DYTN: variants seen among roughly 807,000 people sequenced by gnomAD.
The protein encoded by DYTN is dystrotelin.
In DYTN, 75 loss-of-function variants were observed where a neutral mutation model predicts 69.6. That is an observed-to-expected ratio of 1.08 (90% CI 0.89 to 1.31). The LOEUF (loss-of-function observed/expected upper bound fraction) is 1.31. DYTN is among the 50% of genes most tolerant of loss of function. DYTN has a pLI of 0.00. For missense variants in DYTN, 726 were observed against 688.4 expected, an observed-to-expected ratio of 1.05 and a Z score of -0.61; for synonymous variants, 252 against 249.1, an observed-to-expected ratio of 1.01 and a Z score of -0.11.
rs1458070259 is a variant in DYTN at position 206,651,632 on chromosome 2, C to T, written c.*186G>A. ...ATCCTCTACTCGCCCTGCTAACCCCCAACCTTCACTCTGAACTGCAGAACT... is the reference window on the plus strand; with the variant it reads ...ATCCTCTACTCGCCCTGCTAACCCCTAACCTTCACTCTGAACTGCAGAACT... On this transcript the variant is annotated 3_prime_UTR_variant, in exon 12 of 12. Transcript: ENST00000452335. 9.1e-6 allele frequency: 5 copies of T among 552,402 alleles called. No individual in the cohort carries two copies. The highest frequency in any genetic ancestry group is 2.2e-5 in the South Asian group (1 of 45,446). The allele number at this position is 552,402 out of a possible 1,614,324, so 34.2% of individuals were successfully genotyped here.
intron 5 of DYTN, among the ~76,000 whole-genome samples, chr2:206,701,799 A>G (rs1406356543): frequency 6.6e-6 from 1 of 152,186 alleles, no homozygotes; most frequent in Non-Finnish European, 1.5e-5. Flanking sequence ...CCCCAACACC[A>G]TGAGATGGCA....
intron 9 of DYTN, among the ~76,000 whole-genome samples, chr2:206,690,287 A>G (rs994830647): frequency 7.2e-5 from 11 of 152,172 alleles, no homozygotes; most frequent in Non-Finnish European, 1.0e-4. Flanking sequence ...ATGGAGCAGC[A>G]AGGAGAGCTG....
chr2:206,709,582 C>T (rs1273235451), intron 2 of DYTN, among the ~76,000 whole-genome samples: 1 of 152,084 alleles, frequency 6.6e-6, no homozygotes, highest in Non-Finnish European at 1.5e-5. Flanking sequence ...CCTCTTCCCA[C>T]CTGGCTAACT....
chr2:206,714,015 A>T (rs1700104022), intron 1 of DYTN, among the ~76,000 whole-genome samples: 1 of 152,166 alleles, frequency 6.6e-6, no homozygotes, highest in East Asian at 1.9e-4. Context: ...TGCTTGGTGT[A>T]CTTCTTTGAT....
intron 9 of DYTN, 145 bp from the exon 10 acceptor site, chr2:206,666,174 A>T: frequency 8.9e-7 from 1 of 1,119,972 alleles, no homozygotes; most frequent in Admixed American, 2.9e-5. Context: ...GTTGAGATGG[A>T]GCCTCGCTCT....
Position 206,691,187 on chromosome 2 carries a change from C to T in DYTN, c.980+1988G>A, listed in dbSNP as rs1369075015. On this transcript the variant is annotated intron_variant, in intron 9 of 11. Coordinates refer to ENST00000452335, the MANE Select transcript of DYTN (RefSeq NM_001093730.1). ...CAGCACTTTGGGAGGCCAAGATGGGCGGATCACTTGAGGTCAGGAGATCAA... is the reference window on the plus strand; with the variant it reads ...CAGCACTTTGGGAGGCCAAGATGGGTGGATCACTTGAGGTCAGGAGATCAA... 1.3e-4 allele frequency among the ~76,000 whole-genome samples: 20 copies of T among 151,976 alleles called. 1 individual carries two copies. Among genetic ancestry groups the T allele is most frequent in the Admixed American group, 1.2e-3 (18 of 15,252 alleles).
At chr2:206,668,076 A>T (rs1699592922) in intron 9 of DYTN, among the ~76,000 whole-genome samples, 1 of 152,206 alleles carries the variant, frequency 6.6e-6, no homozygotes, top group African/African-American at 2.4e-5. Context: ...GTATATCTTT[A>T]TGATGGGTTT....
At chr2:206,704,744 A>G in intron 5 of DYTN, 99 bp downstream of exon 5, 8 of 1,026,068 alleles carry the variant, frequency 7.8e-6, no homozygotes, top group Non-Finnish European at 1.0e-5. Flanking sequence ...GGAGTTATAT[A>G]TAAAGATAGA....
At chr2:206,685,720 C>T (rs1399512946) in intron 9 of DYTN, among the ~76,000 whole-genome samples, 1 of 152,066 alleles carries the variant, frequency 6.6e-6, no homozygotes, top group Non-Finnish European at 1.5e-5. Context: ...CCACCCTGGG[C>T]ACGGGGCTCC....
At chr2:206,662,617 C>A (rs1159223440) in intron 11 of DYTN, among the ~76,000 whole-genome samples, 1 of 151,626 alleles carries the variant, frequency 6.6e-6, no homozygotes, top group Non-Finnish European at 1.5e-5. Context: ...ATAATAATAA[C>A]AATATTTTGC....
At position 206,669,694 on chromosome 2, in the gene DYTN, G is replaced by A. The variant is rs186273140; in HGVS notation, c.981-3665C>T. The stretch of plus-strand genomic sequence containing the variant: ...TTTCTACATTTTCAATTTTAATATA[G>A]CCTTTCTAGTGCTTTACTGCTTTAA... On this transcript the variant is annotated intron_variant, in intron 9 of 11. Coordinates refer to ENST00000452335, the MANE Select transcript of DYTN (RefSeq NM_001093730.1). 3.9e-5 allele frequency among the ~76,000 whole-genome samples: 6 copies of A among 151,940 alleles called. No homozygotes were observed. The East Asian group carries it at 1.2e-3, about 29-fold the overall frequency.
chr2:206,709,746 A>G (rs1700062537), intron 2 of DYTN, among the ~76,000 whole-genome samples: 1 of 152,208 alleles, frequency 6.6e-6, no homozygotes, highest in Middle Eastern at 3.2e-3. Flanking sequence ...CTTAGGTCTG[A>G]TATGATAAAT....
At position 206,707,323 on chromosome 2, in the gene DYTN, AG is replaced by A. The variant is rs1398408145; in HGVS notation, c.274del (p.Leu92PhefsTer23). The A allele has an allele frequency of 6.2e-7, 1 of 1,612,260 alleles. No individual in the cohort carries two copies. Among genetic ancestry groups the A allele is most frequent in the African/African-American group, 1.3e-5 (1 of 75,012 alleles). On this transcript the variant is annotated frameshift_variant, in exon 3 of 12. Coordinates refer to ENST00000452335, the MANE Select transcript of DYTN (RefSeq NM_001093730.1). LOFTEE classifies it high-confidence loss of function. ...TCACCTGTTGTACATTGTCGTGAGA[AG>A]GCTCAGAGTGAGTTCCGGAGCTCTG... ...HPRAPELTLSLLTTMYNSKGT... is the reference protein window; with the variant it reads ...HPRAPELTLSXLTTMYNSKGT...
chr2:206,656,413 C>T (rs999630915), intron 11 of DYTN, among the ~76,000 whole-genome samples: 2 of 152,066 alleles, frequency 1.3e-5, no homozygotes, highest in African/African-American at 4.8e-5. Context: ...ATAGTTGGGT[C>T]TTTTTCTTCA....
intron 9 of DYTN, among the ~76,000 whole-genome samples, chr2:206,681,658 G>C (rs1414649854): frequency 6.6e-6 from 1 of 152,182 alleles, no homozygotes; most frequent in Admixed American, 6.5e-5. Context: ...CAGTGGCTCT[G>C]TTTATGTGAT....
intron 9 of DYTN, among the ~76,000 whole-genome samples, chr2:206,669,405 G>A (rs1699607406): frequency 2.0e-5 from 3 of 152,116 alleles, no homozygotes; most frequent in Admixed American, 2.0e-4. Flanking sequence ...TTTGAGAATT[G>A]GGCTGTCTAC....
chr2:206,698,898 G>A (rs989558824), intron 7 of DYTN, among the ~76,000 whole-genome samples: 12 of 152,242 alleles, frequency 7.9e-5, no homozygotes, highest in African/African-American at 2.7e-4. Flanking sequence ...GAGCATCATG[G>A]CTGCAAAGCA....
chr2:206,672,261 C>T (rs1699637573), intron 9 of DYTN, among the ~76,000 whole-genome samples: 1 of 151,866 alleles, frequency 6.6e-6, no homozygotes, highest in Admixed American at 6.6e-5. Context: ...ATGTTATATA[C>T]CTAAGATAGG....
intron 10 of DYTN, 96 bp from the exon 11 acceptor site, chr2:206,663,491 G>T: frequency 2.3e-6 from 3 of 1,316,176 alleles, no homozygotes; most frequent in Non-Finnish European, 2.0e-6. Context: ...ACATTCTAAT[G>T]CAAGACTTTT....
Sources: allele counts gnomAD v4.1 joint callset (sites outside exome capture counted in the v4.1 genomes callset), GRCh38; gene constraint gnomAD v4.1.1; transcripts MANE v1.5; gene names NCBI Gene and HGNC (gene_info 2026-07-23, HGNC 2026-07-21).